Variants in NHS observed in about 807,000 individuals in gnomAD.
NHS encodes actin remodeling regulator NHS.
A neutral mutation model predicts 72.5 loss-of-function variants in NHS; 5 were observed. The observed-to-expected ratio is 0.07, with a 90% CI of 0.04 to 0.14. The LOEUF (loss-of-function observed/expected upper bound fraction) is 0.14, where lower values mean the gene tolerates loss of function less well. NHS is among the 10% of genes least tolerant of loss of function. The pLI is 1.00. For missense variants in NHS, 1,072 were observed against 1,355.7 expected, an observed-to-expected ratio of 0.79 and a Z score of 3.29; for synonymous variants, 464 against 547.7, an observed-to-expected ratio of 0.85 and a Z score of 2.13.
chrX:17,624,780 A>G (rs1315385392), intron 1 of NHS, among the ~76,000 whole-genome samples: 2 of 112,778 alleles, frequency 1.8e-5, no homozygotes, highest in African/African-American at 6.4e-5. Flanking sequence ...AGAACAACAG[A>G]GAGAACTGGA....
chrX:17,494,785 G>A, intron 1 of NHS, among the ~76,000 whole-genome samples: 1 of 112,395 alleles, frequency 8.9e-6, no homozygotes, highest in Middle Eastern at 4.6e-3. Context: ...GCTAGTGGGG[G>A]AATTTTTTAA....
chrX:17,673,630 T>C (rs1183685731), intron 1 of NHS, among the ~76,000 whole-genome samples: 4 of 111,598 alleles, frequency 3.6e-5, no homozygotes, highest in Non-Finnish European at 7.5e-5. Context: ...CATCTTCATC[T>C]TCTTCCTAAG....
chrX:17,609,310 G>T (rs1050430191), intron 1 of NHS, among the ~76,000 whole-genome samples: 1 of 112,092 alleles, frequency 8.9e-6, no homozygotes, highest in Non-Finnish European at 1.9e-5. Context: ...TTGACCTGGG[G>T]TATCAGAGAA....
At chrX:17,541,096 A>G (rs1222864586) in intron 1 of NHS, among the ~76,000 whole-genome samples, 2 of 112,012 alleles carry the variant, frequency 1.8e-5, no homozygotes, top group Non-Finnish European at 3.8e-5. Context: ...AAAAAAATTT[A>G]TTATGTACTC....
intron 1 of NHS, among the ~76,000 whole-genome samples, chrX:17,529,048 T>TG (rs1281930979): frequency 9.0e-6 from 1 of 111,040 alleles, no homozygotes; most frequent in Non-Finnish European, 1.9e-5. Context: ...CTTTCTTTTT[T>TG]CTTCCTCCCT....
chrX:17,533,340 G>A (rs910975985), intron 1 of NHS, among the ~76,000 whole-genome samples: 1 of 111,840 alleles, frequency 8.9e-6, no homozygotes, highest in African/African-American at 3.3e-5. Context: ...AGGCTGGAGT[G>A]CGATGACACG....
At chrX:17,383,321 T>C (rs1040655460) in intron 1 of NHS, among the ~76,000 whole-genome samples, 3 of 111,789 alleles carry the variant, frequency 2.7e-5, no homozygotes, top group African/African-American at 9.8e-5. Context: ...CTCACTCTTT[T>C]TCCTTAAACT....
At chrX:17,614,112 C>T (rs2065724868) in intron 1 of NHS, among the ~76,000 whole-genome samples, 1 of 111,497 alleles carries the variant, frequency 9.0e-6, no homozygotes, top group African/African-American at 3.3e-5. Context: ...GCTGAGCGTC[C>T]TCCAGAAGAA....
chrX:17,416,349 C>G (rs2064594947), intron 1 of NHS, among the ~76,000 whole-genome samples: 1 of 112,004 alleles, frequency 8.9e-6, no homozygotes, highest in East Asian at 2.8e-4. Flanking sequence ...TTCCCTGCTT[C>G]CCCTGGACTC....
intron 1 of NHS, among the ~76,000 whole-genome samples, chrX:17,471,801 G>T (rs1188094997): frequency 8.9e-6 from 1 of 111,826 alleles, no homozygotes; most frequent in Non-Finnish European, 1.9e-5. Flanking sequence ...CCGTAGGAAG[G>T]TGCATAGCTA....
intron 1 of NHS, among the ~76,000 whole-genome samples, chrX:17,625,462 C>T (rs1169269292): frequency 8.9e-6 from 1 of 111,957 alleles, no homozygotes; most frequent in Admixed American, 9.5e-5. Flanking sequence ...TAGAAACGTC[C>T]AATGAATTGA....
chrX:17,454,840 G>A (rs1168739729), intron 1 of NHS, among the ~76,000 whole-genome samples: 1 of 111,777 alleles, frequency 8.9e-6, no homozygotes, highest in Non-Finnish European at 1.9e-5. Context: ...CTTTCCATTT[G>A]GTGTTCATTG....
At chrX:17,449,683 A>G (rs2064797523) in intron 1 of NHS, among the ~76,000 whole-genome samples, 1 of 112,290 alleles carries the variant, frequency 8.9e-6, no homozygotes, top group Non-Finnish European at 1.9e-5. Context: ...GGAGAGGAAT[A>G]GATATATTTG....
At chrX:17,663,061 C>A (rs772649850) in intron 1 of NHS, among the ~76,000 whole-genome samples, 1 of 111,601 alleles carries the variant, frequency 9.0e-6, no homozygotes, top group East Asian at 2.8e-4. Context: ...ATTATTCATT[C>A]ATTCATTCAA....
At chrX:17,437,010 A>G (rs1361476009) in intron 1 of NHS, among the ~76,000 whole-genome samples, 4 of 111,809 alleles carry the variant, frequency 3.6e-5, no homozygotes, top group Non-Finnish European at 5.6e-5. Context: ...TAGGTTTCCT[A>G]TTGCATGCCA....
chrX:17,724,493 G>A, intron 6 of NHS, 63 bp downstream of exon 6: 1 of 1,178,821 alleles, frequency 8.5e-7, no homozygotes. Flanking sequence ...ATAGGGAGAT[G>A]AAATAGAAAA....
At chrX:17,429,224 ATG>A (rs10616889) in intron 1 of NHS, among the ~76,000 whole-genome samples, 20,148 of 96,030 alleles carry the variant, frequency 0.21, 1,579 homozygotes, top group South Asian at 0.42. Flanking sequence ...GTACTGGGGG[ATG>A]TGTGTGTGTG....
chrX:17,650,953 TAGA>T (rs1167813645), intron 1 of NHS, among the ~76,000 whole-genome samples: 1 of 111,911 alleles, frequency 8.9e-6, no homozygotes, highest in Non-Finnish European at 1.9e-5. Flanking sequence ...AGATGGCTAG[TAGA>T]AGAATGAAAG....
intron 1 of NHS, among the ~76,000 whole-genome samples, chrX:17,553,123 A>G (rs1434664001): frequency 1.8e-5 from 2 of 112,579 alleles, no homozygotes; most frequent in East Asian, 5.6e-4. Flanking sequence ...TCCTCCTCCC[A>G]CCAAACTAAG....
Sources: gnomAD v4.1 joint callset for allele counts (sites outside exome capture counted in the v4.1 genomes callset) on GRCh38, gnomAD v4.1.1 for gene constraint, MANE v1.5 for transcripts, NCBI Gene and HGNC (gene_info 2026-07-23, HGNC 2026-07-21) for gene names.